Variants in TRPM2 observed in about 807,000 individuals in gnomAD.
The protein encoded by TRPM2 is estrogen-responsive element-associated gene 1 protein.
Under a neutral mutation model 174.0 loss-of-function variants are expected in TRPM2, and 161 were observed. The observed-to-expected ratio is 0.93, with a 90% CI of 0.81 to 1.05. TRPM2 has a LOEUF of 1.05. TRPM2 is among the 50% of genes least tolerant of loss of function. TRPM2 has a pLI of 0.00. For missense variants in TRPM2, 2,057 were observed against 2,038.0 expected (o/e 1.01, Z -0.18); for synonymous variants, 954 against 861.3 (o/e 1.11, Z -1.88).
chr21:44,402,201 C>A (rs947142977), intron 16 of TRPM2, among the ~76,000 whole-genome samples: 3 of 152,164 alleles, frequency 2.0e-5, no homozygotes, highest in Admixed American at 6.6e-5. Context: ...TATGTCCCTT[C>A]CCCCAGGAAG....
intron 22 of TRPM2, among the ~76,000 whole-genome samples, chr21:44,421,369 G>C (rs2050545639): frequency 6.6e-6 from 1 of 151,956 alleles, no homozygotes; most frequent in Admixed American, 6.6e-5. Context: ...CCCTATCCCA[G>C]ACATCTTAAA....
At chr21:44,369,503 T>G in intron 5 of TRPM2, among the ~76,000 whole-genome samples, 160 bp downstream of exon 5, 1 of 116,464 alleles carries the variant, frequency 8.6e-6, no homozygotes, top group Non-Finnish European at 1.8e-5. Context: ...GGCCGGGGTG[T>G]GGGTGACGTC....
rs531833718 is a variant in TRPM2 at position 44,428,059 on chromosome 21, A to C, written c.3974+948A>C. Among the ~76,000 whole-genome samples the C allele has an allele frequency of 4.6e-5, 7 of 152,292 alleles. No individual in the cohort carries two copies. The South Asian group carries it at 1.4e-3, about 32-fold the overall frequency. ...ACAGGCAGGTGTGTCAGGACTTGGCAGGACGTGGTGTCCATGCGGGCTTTA... is the reference window on the plus strand; with the variant it reads ...ACAGGCAGGTGTGTCAGGACTTGGCCGGACGTGGTGTCCATGCGGGCTTTA... On this transcript the variant is annotated intron_variant, in intron 27 of 31. Coordinates refer to ENST00000397928, the MANE Select transcript of TRPM2 (RefSeq NM_003307.4).
rs145753855 is a variant in TRPM2 at position 44,441,468 on chromosome 21, T to C, written c.4387-224T>C. ...CCCCGGGCTTTAAATGCGGGCTAAA[T>C]AGCTCCCGGCAAAGCTGCACCTGCA... On this transcript the variant is annotated intron_variant, in intron 31 of 31. Coordinates refer to ENST00000397928, the MANE Select transcript of TRPM2 (RefSeq NM_003307.4). 1.0e-3 allele frequency among the ~76,000 whole-genome samples: 152 copies of C among 152,326 alleles called. 3 individuals carry two copies. The highest frequency in any genetic ancestry group is 3.4e-3 in the Middle Eastern group (1 of 294).
chr21:44,425,497 T>C, intron 24 of TRPM2, 173 bp from the exon 25 acceptor site: 2 of 712,510 alleles, frequency 2.8e-6, no homozygotes, highest in Non-Finnish European at 4.1e-6. Flanking sequence ...CTGTCCTCCC[T>C]GGGGGCCCTG....
rs1322025702 is a variant in TRPM2 at position 44,369,160 on chromosome 21, C to T, written c.605-17C>T. Reference sequence around the variant, plus strand: ...CCTCAGTGCTGTGGGGCCTGCCCACCCGTGCTCCTTCCCCAGGGGCCTGGA... The same window carrying T: ...CCTCAGTGCTGTGGGGCCTGCCCACTCGTGCTCCTTCCCCAGGGGCCTGGA... On this transcript the variant is annotated splice_polypyrimidine_tract_variant and intron_variant, in intron 4 of 31. Coordinates refer to ENST00000397928, the MANE Select transcript of TRPM2 (RefSeq NM_003307.4). 14 of 1,588,278 alleles carry T rather than the reference C, an allele frequency of 8.8e-6. No individual in the cohort carries two copies. Among genetic ancestry groups the T allele is most frequent in the South Asian group, 1.1e-5 (1 of 87,364 alleles).
At chr21:44,379,620 G>A (rs773973785) in intron 8 of TRPM2, among the ~76,000 whole-genome samples, 8 of 152,250 alleles carry the variant, frequency 5.3e-5, no homozygotes, top group Non-Finnish European at 8.8e-5. Context: ...ATGGAGGCAT[G>A]TAGAGTGGCC....
intron 8 of TRPM2, among the ~76,000 whole-genome samples, chr21:44,381,718 C>G (rs954872513): frequency 1.3e-5 from 2 of 151,890 alleles, no homozygotes; most frequent in Admixed American, 6.6e-5. Context: ...ACCAGCCTGG[C>G]CAACATGGTG....
chr21:44,418,569 G>A lies in TRPM2; in HGVS notation c.3461+14G>A, dbSNP rs756837951. The A allele has an allele frequency of 1.8e-5, 29 of 1,613,452 alleles. No individual in the cohort carries two copies. Among genetic ancestry groups the A allele is most frequent in the Middle Eastern group, 3.3e-4 (2 of 6,084 alleles). ...CATCAGCAATAAGTATGGGGGCTCC[G>A]GTGGGCCTGGGGGCGGGAAGCCTCT... On this transcript the variant is annotated intron_variant, in intron 22 of 31. Coordinates refer to ENST00000397928, the MANE Select transcript of TRPM2 (RefSeq NM_003307.4).
intron 2 of TRPM2, among the ~76,000 whole-genome samples, chr21:44,356,691 C>A (rs2048074357): frequency 6.6e-6 from 1 of 152,116 alleles, no homozygotes; most frequent in South Asian, 2.1e-4. Flanking sequence ...GATCCACCAG[C>A]CTTGGCCTCC....
chr21:44,350,559 T>A (rs1172191810), upstream of TRPM2, among the ~76,000 whole-genome samples: 2 of 69,796 alleles, frequency 2.9e-5, no homozygotes, highest in African/African-American at 1.2e-4. Context: ...TTCGGGGCGC[T>A]GGTGCAGGGC....
Position 44,400,273 on chromosome 21 carries a change from G to C in TRPM2, c.2223G>C (p.Lys741Asn), listed in dbSNP as rs777773392. Residue 741 changes from lysine to asparagine, a missense_variant, in exon 15 of 32, where the codon AAG becomes AAC. Physicochemically the swap from Lys to Asn is moderately conservative, Grantham distance 94. Transcript: ENST00000397928. ...SHGGIQAFLT[K>N]VWWGQLSVDN... ...CCCATCCGCAGGCCTTCCTGACCAAGGTGTGGTGGGGCCAGCTCTCCGTGG... is the reference window on the plus strand; with the variant it reads ...CCCATCCGCAGGCCTTCCTGACCAACGTGTGGTGGGGCCAGCTCTCCGTGG... 1 of 1,612,578 alleles carries C rather than the reference G, an allele frequency of 6.2e-7. No individual in the cohort carries two copies. Among genetic ancestry groups the C allele is most frequent in the South Asian group, 1.1e-5 (1 of 90,992 alleles).
rs923315849 is a variant in TRPM2, at chr21:44,376,086, G to GTCACGA, written c.952+74_952+79dup. ...CTGGTCAGAGTGTCAGGTACAGCTGGTCACGACCAGGACGTTCAACAGGCC... is the reference window on the plus strand; with the variant it reads ...CTGGTCAGAGTGTCAGGTACAGCTGGTCACGATCACGACCAGGACGTTCAACAGGCC... On this transcript the variant is annotated intron_variant, in intron 6 of 31. Transcript: ENST00000397928. This position sits in a 1 kb window ranked among gnomAD's most constrained non-coding sequence, Gnocchi z 4.2. The GTCACGA allele has an allele frequency of 2.6e-6, 4 of 1,543,672 alleles. No homozygotes were observed. The Admixed American group carries it at 5.6e-5, about 22-fold the overall frequency.
upstream of TRPM2, chr21:44,353,470 G>C (rs1012162962): frequency 9.6e-6 from 5 of 519,190 alleles, no homozygotes; most frequent in African/African-American, 1.0e-4. Context: ...CCAGCCAAGG[G>C]ACACAGCTCA....
intron 11 of TRPM2, 137 bp from the exon 12 acceptor site, chr21:44,395,277 C>A: frequency 9.6e-7 from 1 of 1,041,826 alleles, no homozygotes; most frequent in Non-Finnish European, 1.4e-6. Flanking sequence ...GCTGAAAATG[C>A]AGGTTGTAGT....
At chr21:44,407,082 C>T (rs189819247) in intron 19 of TRPM2, among the ~76,000 whole-genome samples, 9 of 147,450 alleles carry the variant, frequency 6.1e-5, no homozygotes, top group Admixed American at 2.0e-4. Flanking sequence ...CCCTTTCCCT[C>T]TCACCTCAAT....
intron 8 of TRPM2, among the ~76,000 whole-genome samples, chr21:44,381,805 G>A (rs2048885821): frequency 1.3e-5 from 2 of 152,098 alleles, no homozygotes; most frequent in South Asian, 4.1e-4. Flanking sequence ...TACTTGGGAG[G>A]CTGAGGCAGG....
intron 27 of TRPM2, among the ~76,000 whole-genome samples, chr21:44,433,366 C>T (rs1050704299): frequency 7.9e-5 from 12 of 152,222 alleles, no homozygotes; most frequent in African/African-American, 2.2e-4. Flanking sequence ...TACAGGGAGA[C>T]GAGGCAGCCT....
chr21:44,425,581 CG>C (rs1220376226), intron 24 of TRPM2, 88 bp from the exon 25 acceptor site: 7 of 1,372,890 alleles, frequency 5.1e-6, no homozygotes, highest in Non-Finnish European at 6.7e-6. Flanking sequence ...GATGTTTTGG[CG>C]GAAGGACCAC....
Sources: allele counts gnomAD v4.1 joint callset (sites outside exome capture counted in the v4.1 genomes callset), GRCh38; gene constraint gnomAD v4.1.1; non-coding constraint Gnocchi (gnomAD v3.1); transcripts MANE v1.5; gene names NCBI Gene and HGNC (gene_info 2026-07-23, HGNC 2026-07-21).